The following NFIB variants were observed in gnomAD, a reference collection of about 807,000 sequenced individuals.
NFIB encodes nuclear factor I B, also known as nuclear factor 1 B-type.
A neutral mutation model predicts 61.5 loss-of-function variants in NFIB; 11 were observed. The ratio of observed to expected loss-of-function variants is 0.18; its 90% CI spans 0.11 to 0.30. The LOEUF (loss-of-function observed/expected upper bound fraction) is 0.30. Among genes scored for constraint, NFIB ranks in the 10% least tolerant of loss-of-function variants. The pLI is 1.00. For missense variants in NFIB, 471 were observed against 608.9 expected (o/e 0.77, Z 2.38); for synonymous variants, 260 against 216.5 (o/e 1.20, Z -1.76).
At chr9:14,494,036 T>G in the NFIB span, among the ~76,000 whole-genome samples, 1 of 152,166 alleles carries the variant, frequency 6.6e-6, no homozygotes, top group Non-Finnish European at 1.5e-5. Context: ...GGTTCAGAGT[T>G]TGGCTGATAC....
intron 3 of NFIB, among the ~76,000 whole-genome samples, chr9:14,158,480 G>A (rs1300040848): frequency 6.6e-6 from 1 of 152,196 alleles, no homozygotes; most frequent in African/African-American, 2.4e-5. Context: ...TTCAAGTCTT[G>A]CAGTCATTGC....
intron 2 of NFIB, among the ~76,000 whole-genome samples, chr9:14,260,612 T>C (rs755755800): frequency 1.3e-5 from 2 of 152,210 alleles, no homozygotes; most frequent in Non-Finnish European, 2.9e-5. Context: ...GTTACCTGCA[T>C]GCAGATATAT....
chr9:14,300,740 T>G lies in NFIB; in HGVS notation c.562+6249A>C, dbSNP rs1350153841. The stretch of plus-strand genomic sequence containing the variant: ...AAATCCTGTGAATTCTGACATAACC[T>G]TCCGTTGGGTCCCTCTCTCTTCAGG... On this transcript the variant is annotated intron_variant, in intron 2 of 10. Transcript: ENST00000380953. 3.3e-5 allele frequency among the ~76,000 whole-genome samples: 5 copies of G among 152,210 alleles called. No individual in the cohort carries two copies. In the East Asian group the frequency reaches 9.6e-4, roughly 29 times the overall value.
intron 1 of NFIB, among the ~76,000 whole-genome samples, chr9:14,376,280 T>C (rs1383277961): frequency 6.6e-6 from 1 of 151,660 alleles, no homozygotes; most frequent in Non-Finnish European, 1.5e-5. Context: ...CACATTACTG[T>C]TGGAGCTTAC....
chr9:14,414,305 T>C, the NFIB span, among the ~76,000 whole-genome samples: 15 of 151,808 alleles, frequency 9.9e-5, no homozygotes, highest in African/African-American at 3.1e-4. Flanking sequence ...CGTGGTGGCA[T>C]GTGCCTGTAG....
intron 1 of NFIB, among the ~76,000 whole-genome samples, chr9:14,392,619 T>C (rs1466453654): frequency 6.6e-6 from 1 of 152,014 alleles, no homozygotes; most frequent in Non-Finnish European, 1.5e-5. Context: ...TCCCAGCTAC[T>C]CAGGACGCTG....
At chr9:14,477,036 G>A in the NFIB span, among the ~76,000 whole-genome samples, 1 of 152,078 alleles carries the variant, frequency 6.6e-6, no homozygotes, top group African/African-American at 2.4e-5. Context: ...TTTGCTTCTA[G>A]GAATACTTGT....
chr9:14,253,944 G>C (rs1205163747), intron 2 of NFIB, among the ~76,000 whole-genome samples: 1 of 152,008 alleles, frequency 6.6e-6, no homozygotes, highest in Non-Finnish European at 1.5e-5. Context: ...TGCTCATGCT[G>C]TTCCCCTGGT....
chr9:14,146,811 T>G lies in NFIB; in HGVS notation c.807-4A>C. The G allele has an allele frequency of 1.2e-6, 2 of 1,603,706 alleles. No individual in the cohort carries two copies. The highest frequency in any genetic ancestry group is 1.7e-6 in the Non-Finnish European group (2 of 1,177,432). ...GGATATAGTTTTGGGTCTTTTGCTG[T>G]TAAAATATGGCAATAGTTATATTAA... On this transcript the variant is annotated splice_polypyrimidine_tract_variant and splice_region_variant and intron_variant, in intron 5 of 10. Transcript: ENST00000380953.
chr9:14,271,667 G>A (rs1394912066), intron 2 of NFIB, among the ~76,000 whole-genome samples: 1 of 152,130 alleles, frequency 6.6e-6, no homozygotes, highest in Non-Finnish European at 1.5e-5. Flanking sequence ...GAGGTGGTTG[G>A]CCAGATAACC....
rs2032483105 is a variant in NFIB at position 14,084,248 on chromosome 9, C to T, written c.*4061G>A. ...TTAAAAATGGAAACAACATATAGTT[C>T]CATTATAATTGTTAAAAAGTTAGCT... On this transcript the variant is annotated 3_prime_UTR_variant, in exon 11 of 11. Transcript: ENST00000380953. 5.0e-6 allele frequency: 1 copy of T among 200,084 alleles called. No homozygotes were observed. Among genetic ancestry groups the T allele is most frequent in the Admixed American group, 6.0e-5 (1 of 16,558 alleles). The allele number at this position is 200,084 out of a possible 1,614,324, so 12.4% of individuals were successfully genotyped here. A position where few individuals can be genotyped will look rare whatever the true frequency, so the allele number is the denominator to read the frequency against.
chr9:14,146,588 C>T, intron 6 of NFIB, 101 bp downstream of exon 6: 5 of 1,485,952 alleles, frequency 3.4e-6, no homozygotes, highest in East Asian at 2.3e-5. Flanking sequence ...AAAAAATATA[C>T]AATCCATATT....
At chr9:14,137,944 C>CAAAAA (rs2041254171) in intron 6 of NFIB, among the ~76,000 whole-genome samples, 2 of 152,016 alleles carry the variant, frequency 1.3e-5, no homozygotes, top group African/African-American at 4.8e-5. Flanking sequence ...ATTGAAGTTT[C>CAAAAA]ATGCATTAAA....
intron 2 of NFIB, among the ~76,000 whole-genome samples, chr9:14,203,065 C>T (rs1463877465): frequency 6.6e-6 from 1 of 152,182 alleles, no homozygotes; most frequent in Non-Finnish European, 1.5e-5. Flanking sequence ...TTTGAATGAT[C>T]ATCAACACGA....
chr9:14,398,915 C>T (rs977368312), exon 1 of NFIB: 11 of 331,446 alleles, frequency 3.3e-5, no homozygotes, highest in African/African-American at 6.4e-5. Flanking sequence ...TCGGTGTCAG[C>T]TCAACAGTGA....
intron 2 of NFIB, among the ~76,000 whole-genome samples, chr9:14,290,900 C>T (rs987168927): frequency 5.9e-5 from 9 of 152,040 alleles, no homozygotes; most frequent in Non-Finnish European, 1.3e-4. Context: ...ATAGTATGCT[C>T]TCATAACATT....
At chr9:14,384,658 T>G (rs919057080) in intron 1 of NFIB, among the ~76,000 whole-genome samples, 1 of 152,180 alleles carries the variant, frequency 6.6e-6, no homozygotes, top group Non-Finnish European at 1.5e-5. Flanking sequence ...AATTTTGTTC[T>G]TCTGGTTGAT....
At chr9:14,437,423 T>C in the NFIB span, among the ~76,000 whole-genome samples, 6 of 152,190 alleles carry the variant, frequency 3.9e-5, no homozygotes, top group Non-Finnish European at 8.8e-5. Flanking sequence ...GTGATTTAAG[T>C]TGGGTGTAAG....
At chr9:14,413,048 T>C in the NFIB span, among the ~76,000 whole-genome samples, 1 of 152,106 alleles carries the variant, frequency 6.6e-6, no homozygotes, top group African/African-American at 2.4e-5. Flanking sequence ...TGGAAGAATA[T>C]ATGCGGGAGG....
Sources: gnomAD v4.1 joint callset for allele counts (sites outside exome capture counted in the v4.1 genomes callset) on GRCh38, gnomAD v4.1.1 for gene constraint, MANE v1.5 for transcripts, NCBI Gene and HGNC (gene_info 2026-07-23, HGNC 2026-07-21) for gene names.